Variants in NAV2 observed in about 807,000 individuals in gnomAD.
The protein encoded by NAV2 is helicase, APC down-regulated 1.
A neutral mutation model predicts 223.2 loss-of-function variants in NAV2; 54 were observed. That is an observed-to-expected ratio of 0.24 (90% CI 0.19 to 0.30). NAV2 has a LOEUF of 0.30. NAV2 is among the 10% of genes least tolerant of loss of function. The probability of loss-of-function intolerance (pLI) is 1.00; values close to 1 mark genes in which losing one functional copy is unlikely to be tolerated. For synonymous variants in NAV2, 1,279 were observed against 1,239.3 expected (o/e 1.03, Z -0.67); for missense variants, 2,806 against 3,147.5 (o/e 0.89, Z 2.60).
intron 1 of NAV2, among the ~76,000 whole-genome samples, chr11:19,624,196 G>C (rs116935132): frequency 0.012 from 1,757 of 152,294 alleles, 37 homozygotes; most frequent in East Asian, 0.063. Context: ...GTGCCTCCCA[G>C]TTAGGCTACT....
At chr11:19,346,501 T>C (rs558338625), upstream of NAV2, among the ~76,000 whole-genome samples, 1 of 152,226 alleles carries the variant, frequency 6.6e-6, no homozygotes, top group African/African-American at 2.4e-5. Context: ...CTCCCGGGTG[T>C]GCGCTCCGCT....
At chr11:19,363,565 T>C (rs1280389622) in intron 1 of NAV2, among the ~76,000 whole-genome samples, 3 of 152,218 alleles carry the variant, frequency 2.0e-5, no homozygotes, top group Non-Finnish European at 4.4e-5. Context: ...GGAATACTTC[T>C]GATACCAAAT....
chr11:19,481,350 C>T (rs1272381290), intron 1 of NAV2, among the ~76,000 whole-genome samples: 1 of 152,156 alleles, frequency 6.6e-6, no homozygotes. Flanking sequence ...GAAGAGCTTT[C>T]AGTCACTCAG....
At chr11:19,798,206 C>T (rs571497174) in intron 1 of NAV2, among the ~76,000 whole-genome samples, 1 of 152,190 alleles carries the variant, frequency 6.6e-6, no homozygotes, top group Non-Finnish European at 1.5e-5. Flanking sequence ...TGTACCTACT[C>T]AGTCTAGTTA....
chr11:19,759,309 T>G (rs1163668712), intron 1 of NAV2, among the ~76,000 whole-genome samples: 1 of 152,066 alleles, frequency 6.6e-6, no homozygotes, highest in African/African-American at 2.4e-5. Flanking sequence ...GGTCTCGATC[T>G]GCTGACCTCG....
At chr11:20,062,484 A>G in intron 20 of NAV2, 125 bp downstream of exon 20, 1 of 696,828 alleles carries the variant, frequency 1.4e-6, no homozygotes, top group Non-Finnish European at 2.3e-6. Context: ...GGGATCAATT[A>G]ATTAGGGAAC....
At chr11:19,957,663 G>A (rs1198507161) in intron 10 of NAV2, among the ~76,000 whole-genome samples, 4 of 152,158 alleles carry the variant, frequency 2.6e-5, no homozygotes, top group Non-Finnish European at 4.4e-5. Context: ...CTCATCAGAG[G>A]AGAAAGAATA....
chr11:19,897,314 A>G (rs2042072758), intron 6 of NAV2, among the ~76,000 whole-genome samples: 1 of 152,162 alleles, frequency 6.6e-6, no homozygotes, highest in African/African-American at 2.4e-5. Context: ...GCACACCAAC[A>G]TGGCACGGGT....
chr11:19,801,572 G>A (rs1449828427), intron 1 of NAV2, among the ~76,000 whole-genome samples: 1 of 152,178 alleles, frequency 6.6e-6, no homozygotes, highest in Non-Finnish European at 1.5e-5. Flanking sequence ...TGGAAGTATA[G>A]GGTCAGGCAC....
chr11:19,723,487 A>G (rs1386061462), intron 1 of NAV2, among the ~76,000 whole-genome samples: 7 of 152,208 alleles, frequency 4.6e-5, no homozygotes, highest in Non-Finnish European at 8.8e-5. Flanking sequence ...CCTGAGTCCC[A>G]TATGAGCTAC....
In NAV2 at chr11:19,948,840, A is replaced by G. The variant is rs1467248189; in HGVS notation, c.2405A>G (p.Asn802Ser). 3.7e-6 allele frequency: 6 copies of G among 1,613,934 alleles called. No individual in the cohort carries two copies. The highest frequency in any genetic ancestry group is 2.7e-5 in the African/African-American group (2 of 74,892). ...LQAGDAPSMG[N>S]GYPPRANASR... ...GCAGGAGACGCCCCCTCAATGGGCA[A>G]TGGGTATCCCCCTCGAGCCAACGCC... Residue 802 changes from asparagine (N) to serine (S), a missense_variant, in exon 10 of 38, where the codon AAT becomes AGT. Asn to Ser is a conservative substitution (Grantham distance 46). Coordinates refer to ENST00000349880, the MANE Select transcript of NAV2 (RefSeq NM_145117.5).
chr11:19,427,206 C>A (rs1486956453), intron 1 of NAV2, among the ~76,000 whole-genome samples: 2 of 152,226 alleles, frequency 1.3e-5, no homozygotes, highest in African/African-American at 4.8e-5. Flanking sequence ...CATGTGGCTA[C>A]TCTGAGTCTC....
chr11:19,529,718 A>G (rs2043964428), intron 1 of NAV2, among the ~76,000 whole-genome samples: 1 of 152,116 alleles, frequency 6.6e-6, no homozygotes, highest in South Asian at 2.1e-4. Flanking sequence ...TGCTGAGGGA[A>G]TAGGACAGGG....
At position 20,119,262 on chromosome 11, in the gene NAV2, T is replaced by C. The variant is rs1372068962; in HGVS notation, c.*1004T>C. On this transcript the variant is annotated 3_prime_UTR_variant, in exon 38 of 38. Transcript: ENST00000349880. ...AAGAACCGCAGGAGTTGAGTTTTGG[T>C]TTGGTCCTGCTCAGTTTTGGTTTTT... The C allele has an allele frequency of 6.6e-6, 1 of 152,132 alleles. No individual in the cohort carries two copies. Among genetic ancestry groups the C allele is most frequent in the East Asian group, 1.9e-4 (1 of 5,198 alleles). 9.4% of individuals were successfully genotyped at this position (152,132 alleles called of 1,614,324 possible). A position where few individuals can be genotyped will look rare whatever the true frequency, so the allele number is the denominator to read the frequency against.
chr11:20,067,644 A>AT (rs11371990), intron 20 of NAV2, among the ~76,000 whole-genome samples: 42,944 of 129,190 alleles, frequency 0.33, 7,836 homozygotes, highest in East Asian at 0.63. Flanking sequence ...CACCCGGCTA[A>AT]TTTTTTTTTT....
intron 36 of NAV2, 131 bp downstream of exon 36, chr11:20,107,913 C>A: frequency 1.5e-6 from 1 of 677,492 alleles, no homozygotes; most frequent in Non-Finnish European, 2.6e-6. Context: ...GGGAGTTCAT[C>A]AGTGTAGTCC....
chr11:19,624,422 C>T (rs1268061426), intron 1 of NAV2, among the ~76,000 whole-genome samples: 2 of 152,182 alleles, frequency 1.3e-5, no homozygotes, highest in Admixed American at 1.3e-4. Flanking sequence ...GCTTCCTGGC[C>T]ACTTTGTTTA....
chr11:19,948,948 T>C lies in NAV2; in HGVS notation c.2513T>C (p.Val838Ala), dbSNP rs1454082990. ...RRQLASRGSS[V>A]CHVDVSDKAG... ...CAGCTGGCCTCCCGGGGCAGTAGTGTCTGCCATGTGGACGTCTCAGACAAG... is the reference window on the plus strand; with the variant it reads ...CAGCTGGCCTCCCGGGGCAGTAGTGCCTGCCATGTGGACGTCTCAGACAAG... The change falls in exon 10 of 38, where the codon GTC (valine) becomes GCC (alanine). Residue 838 changes from valine (V) to alanine (A), a missense_variant. By Grantham distance (64) the Val-to-Ala change is moderately conservative. Transcript: ENST00000349880. The C allele has an allele frequency of 6.2e-7, 1 of 1,613,970 alleles. No individual in the cohort carries two copies. Among genetic ancestry groups the C allele is most frequent in the East Asian group, 2.2e-5 (1 of 44,832 alleles).
rs1183809342 is a variant in NAV2, at chr11:19,998,356, A to G, written c.2768+14109A>G. Among the ~76,000 whole-genome samples the G allele has an allele frequency of 6.6e-6, 1 of 151,488 alleles. No homozygotes were observed. Among genetic ancestry groups the G allele is most frequent in the East Asian group, 1.9e-4 (1 of 5,144 alleles). On this transcript the variant is annotated intron_variant, in intron 11 of 37. Coordinates refer to ENST00000349880, the MANE Select transcript of NAV2 (RefSeq NM_145117.5). This position sits in a 1 kb window ranked among gnomAD's most constrained non-coding sequence, Gnocchi z 5.0. Reference sequence around the variant, plus strand: ...GGGGTCTAGGCTGCCGTCCTCTCTCATCTGAGCTCTCCCACTGCAGCCTTC... The same window carrying G: ...GGGGTCTAGGCTGCCGTCCTCTCTCGTCTGAGCTCTCCCACTGCAGCCTTC...
Sources: allele counts gnomAD v4.1 joint callset (sites outside exome capture counted in the v4.1 genomes callset), GRCh38; gene constraint gnomAD v4.1.1; non-coding constraint Gnocchi (gnomAD v3.1); transcripts MANE v1.5; gene names NCBI Gene and HGNC (gene_info 2026-07-23, HGNC 2026-07-21).